The following HPGD variants were observed in gnomAD, a reference collection of about 807,000 sequenced individuals.
HPGD encodes 15-hydroxyprostaglandin dehydrogenase [NAD(+)].
In HPGD, 29 loss-of-function variants were observed where a neutral mutation model predicts 30.0. That is an observed-to-expected ratio of 0.97 (90% CI 0.72 to 1.32). HPGD has a LOEUF of 1.32. Among genes scored for constraint, HPGD ranks in the 40% most tolerant of loss-of-function variants. The probability of loss-of-function intolerance (pLI) is 0.00; values close to 1 mark genes in which losing one functional copy is unlikely to be tolerated. For synonymous variants in HPGD, 99 were observed against 112.4 expected, an observed-to-expected ratio of 0.88 and a Z score of 0.75; for missense variants, 340 against 322.1, an observed-to-expected ratio of 1.06 and a Z score of -0.43.
At chr4:174,497,507 T>G (rs1428780355) in intron 4 of HPGD, among the ~76,000 whole-genome samples, 8 of 151,202 alleles carry the variant, frequency 5.3e-5, no homozygotes, top group Non-Finnish European at 1.2e-4. Context: ...ACATTTTCAC[T>G]GCTATTCTGC....
intron 3 of HPGD, 30 bp from the exon 4 acceptor site, chr4:174,508,822 A>T (rs1234343497): frequency 8.7e-7 from 1 of 1,143,662 alleles, no homozygotes; most frequent in African/African-American, 1.5e-5. Flanking sequence ...GAGAAAAGGA[A>T]TACAGTCATT....
At chr4:174,506,011 T>C (rs1735168133) in intron 4 of HPGD, among the ~76,000 whole-genome samples, 1 of 152,222 alleles carries the variant, frequency 6.6e-6, no homozygotes, top group Admixed American at 6.5e-5. Context: ...CAAGTCATCG[T>C]TTTATCTGCA....
intron 3 of HPGD, among the ~76,000 whole-genome samples, chr4:174,515,203 G>C (rs1191044105): frequency 6.6e-6 from 1 of 152,038 alleles, no homozygotes; most frequent in Non-Finnish European, 1.5e-5. Context: ...AGTCAGAATA[G>C]TCAAAGCAAT....
intron 5 of HPGD, among the ~76,000 whole-genome samples, chr4:174,493,811 G>T (rs545507635): frequency 6.6e-6 from 1 of 152,112 alleles, no homozygotes; most frequent in East Asian, 1.9e-4. Context: ...ACAAACTATT[G>T]ATTTTATTTG....
Position 174,492,902 on chromosome 4 carries a change from A to G in HPGD, c.662+249T>C, listed in dbSNP as rs1456620464. Among the ~76,000 whole-genome samples, 1 of 152,172 alleles carries G rather than the reference A, an allele frequency of 6.6e-6. No individual in the cohort carries two copies. The highest frequency in any genetic ancestry group is 1.5e-5 in the Non-Finnish European group (1 of 67,990). ...TCATTGCCTTCAAAGGTGACTAAAT[A>G]TCAACTTTATGACTGATGGTAGTAA... On this transcript the variant is annotated intron_variant, in intron 6 of 6. Coordinates refer to ENST00000296522, the MANE Select transcript of HPGD (RefSeq NM_000860.6). This position sits in a 1 kb window ranked among gnomAD's most constrained non-coding sequence, Gnocchi z 4.9.
rs1262285424 is a variant in HPGD, at chr4:174,494,333, C to G, written c.499-1019G>C. On this transcript the variant is annotated intron_variant, in intron 5 of 6. Transcript: ENST00000296522. This position sits in a 1 kb window ranked among gnomAD's most constrained non-coding sequence, Gnocchi z 4.9. ...GACCAGAGGCTTTCAGGAACTTAAC[C>G]CTCTATTTCCCCTAAAAGCAATGGT... 6.6e-6 allele frequency among the ~76,000 whole-genome samples: 1 copy of G among 151,992 alleles called. No individual in the cohort carries two copies. Among genetic ancestry groups the G allele is most frequent in the South Asian group, 2.1e-4 (1 of 4,808 alleles).
intron 3 of HPGD, among the ~76,000 whole-genome samples, chr4:174,510,583 T>G (rs1735437215): frequency 1.3e-5 from 2 of 152,194 alleles, no homozygotes; most frequent in Admixed American, 1.3e-4. Flanking sequence ...TATTTTTAAT[T>G]TTTTAGAAAA....
intron 3 of HPGD, among the ~76,000 whole-genome samples, chr4:174,509,094 C>A (rs932252456): frequency 6.6e-6 from 1 of 152,142 alleles, no homozygotes; most frequent in Non-Finnish European, 1.5e-5. Flanking sequence ...TTCTCAACAT[C>A]TTCAATAATT....
intron 4 of HPGD, among the ~76,000 whole-genome samples, chr4:174,497,966 T>C (rs1006176808): frequency 2.6e-5 from 4 of 151,144 alleles, no homozygotes; most frequent in African/African-American, 9.8e-5. Flanking sequence ...CTCTCTCTTT[T>C]GAGACAGAGT....
intron 4 of HPGD, among the ~76,000 whole-genome samples, chr4:174,506,248 C>T (rs1249918394): frequency 2.6e-5 from 4 of 152,132 alleles, no homozygotes; most frequent in Non-Finnish European, 5.9e-5. Context: ...TAGGACTTTA[C>T]TGGAAGTATC....
chr4:174,513,499 TA>T (rs1349273994), intron 3 of HPGD, among the ~76,000 whole-genome samples: 11 of 151,172 alleles, frequency 7.3e-5, no homozygotes, highest in African/African-American at 2.7e-4. Flanking sequence ...TAAAGCTATA[TA>T]ATGCATTTAG....
rs1472300064 is a variant in HPGD at position 174,491,053 on chromosome 4, C to T, written c.*903G>A. 1.3e-5 allele frequency: 2 copies of T among 152,434 alleles called. No individual in the cohort carries two copies. Among genetic ancestry groups the T allele is most frequent in the Non-Finnish European group, 2.9e-5 (2 of 67,958 alleles). The allele number at this position is 152,434 out of a possible 1,614,324, so 9.4% of individuals were successfully genotyped here. ...TGGTTTTATTTCCTTGATAGCTATA[C>T]ATAGAAGACTAAGTAATTTATGGAG... is the stretch of plus-strand genomic sequence containing the variant. On this transcript the variant is annotated 3_prime_UTR_variant, in exon 7 of 7. Transcript: ENST00000296522.
At chr4:174,516,967 A>G (rs1040805890) in intron 3 of HPGD, among the ~76,000 whole-genome samples, 1 of 152,198 alleles carries the variant, frequency 6.6e-6, no homozygotes, top group Non-Finnish European at 1.5e-5. Flanking sequence ...ATAATCTACT[A>G]GGAGGATATC....
At position 174,494,929 on chromosome 4, in the gene HPGD, G is replaced by A. The variant is rs1734512489; in HGVS notation, c.498+619C>T. The stretch of plus-strand genomic sequence containing the variant: ...CTGCTTTTGGTCTAGCTCCTGTGCT[G>A]GTGTCTTGAGTCATACCTCAAACTA... On this transcript the variant is annotated intron_variant, in intron 5 of 6. Coordinates refer to ENST00000296522, the MANE Select transcript of HPGD (RefSeq NM_000860.6). This position sits in a 1 kb window ranked among gnomAD's most constrained non-coding sequence, Gnocchi z 4.9. Among the ~76,000 whole-genome samples, 1 of 152,118 alleles carries A rather than the reference G, an allele frequency of 6.6e-6. No homozygotes were observed. Among genetic ancestry groups the A allele is most frequent in the African/African-American group, 2.4e-5 (1 of 41,428 alleles).
chr4:174,510,314 G>A (rs1735420074), intron 3 of HPGD, among the ~76,000 whole-genome samples: 2 of 152,162 alleles, frequency 1.3e-5, no homozygotes, highest in South Asian at 4.1e-4. Flanking sequence ...ATCTCCACAT[G>A]ATTTTCTTTA....
chr4:174,510,180 C>T lies in HPGD; in HGVS notation c.325-1388G>A, dbSNP rs1735411204. Among the ~76,000 whole-genome samples the T allele has an allele frequency of 1.1e-4, 17 of 151,772 alleles. No individual in the cohort carries two copies. The South Asian group carries it at 3.5e-3, about 31-fold the overall frequency. On this transcript the variant is annotated intron_variant, in intron 3 of 6. Transcript: ENST00000296522. The stretch of plus-strand genomic sequence containing the variant: ...TCCTTTTGAAGTTTTCTTTTTTTTG[C>T]AAGGATTCAGATATACTTCTCCTAC...
chr4:174,513,844 A>T (rs1170807945), intron 3 of HPGD, among the ~76,000 whole-genome samples: 1 of 151,948 alleles, frequency 6.6e-6, no homozygotes, highest in Non-Finnish European at 1.5e-5. Flanking sequence ...GTTTAACTTT[A>T]AAAAAAATTT....
chr4:174,517,828 G>A (rs889366008), intron 3 of HPGD, 143 bp downstream of exon 3: 2 of 575,366 alleles, frequency 3.5e-6, no homozygotes, highest in Admixed American at 6.7e-5. Context: ...AAAAGAAAAT[G>A]CTTTTATCCA....
chr4:174,493,768 G>A (rs964138868), intron 5 of HPGD, among the ~76,000 whole-genome samples: 2 of 152,144 alleles, frequency 1.3e-5, no homozygotes, highest in Non-Finnish European at 2.9e-5. Flanking sequence ...GACAATTTAA[G>A]TATTTTCAGA....
Sources: gnomAD v4.1 joint callset for allele counts (sites outside exome capture counted in the v4.1 genomes callset) on GRCh38, gnomAD v4.1.1 for gene constraint, Gnocchi (gnomAD v3.1) non-coding constraint, MANE v1.5 for transcripts, NCBI Gene and HGNC (gene_info 2026-07-23, HGNC 2026-07-21) for gene names.